Variants in ESF1 observed in about 807,000 individuals in gnomAD.
ESF1 encodes the protein ESF1 nucleolar pre-rRNA processing protein.
ESF1 carries 58 observed loss-of-function variants against 92.0 expected under a neutral mutation model. The observed-to-expected ratio is 0.63, with a 90% CI of 0.51 to 0.78. The LOEUF (loss-of-function observed/expected upper bound fraction) is 0.78. ESF1 is among the 30% of genes least tolerant of loss of function. The probability of loss-of-function intolerance (pLI) is 0.00; values close to 1 mark genes in which losing one functional copy is unlikely to be tolerated. For synonymous variants in ESF1, 321 were observed against 313.7 expected, an observed-to-expected ratio of 1.02 and a Z score of -0.24; for missense variants, 922 against 989.1, an observed-to-expected ratio of 0.93 and a Z score of 0.91.
intron 8 of ESF1, among the ~76,000 whole-genome samples, chr20:13,760,356 C>CTCTGCCCGGCCGCCCATCG (rs1979112623): frequency 6.6e-6 from 1 of 151,632 alleles, no homozygotes; most frequent in Non-Finnish European, 1.5e-5. Flanking sequence ...TGAGGAGCAT[C>CTCTGCCCGGCCGCCCATCG]TCTGCCCGGC....
intron 9 of ESF1, among the ~76,000 whole-genome samples, chr20:13,736,094 G>A (rs2049973741): frequency 6.6e-6 from 1 of 152,116 alleles, no homozygotes; most frequent in Admixed American, 6.6e-5. Flanking sequence ...GTCCATTCCT[G>A]TAACTTTGAA....
At position 13,783,052 on chromosome 20, in the gene ESF1, C is replaced by T. The variant is rs144162119; in HGVS notation, c.89G>A (p.Arg30Gln). Residue 30 changes from arginine (R) to glutamine (Q), a missense_variant, in exon 2 of 14, where the codon CGA (arginine) becomes CAA (glutamine). By Grantham distance (43) the Arg-to-Gln change is conservative (BLOSUM62 1). Coordinates refer to ENST00000617257, the MANE Select transcript of ESF1 (RefSeq NM_001276380.2). Reference protein sequence around the residue: ...PRFWEMPEKDRKVKIDKRFRA... With the variant: ...PRFWEMPEKDQKVKIDKRFRA... ...AAATCTCTTGTCAATTTTGACTTTT[C>T]GATCCTTTTCTGGCATTTCCCAAAA... 7.6e-5 allele frequency: 123 copies of T among 1,613,920 alleles called. No homozygotes were observed. The highest frequency in any genetic ancestry group is 2.8e-4 in the African/African-American group (21 of 75,014).
chr20:13,742,165 G>A (rs986708328), intron 9 of ESF1, among the ~76,000 whole-genome samples: 12 of 152,086 alleles, frequency 7.9e-5, no homozygotes, highest in Non-Finnish European at 1.0e-4. Flanking sequence ...TCAGGAGTTC[G>A]AGACCAGCGT....
intron 11 of ESF1, 96 bp from the exon 12 acceptor site, chr20:13,719,080 T>A: frequency 1.3e-6 from 1 of 754,646 alleles, no homozygotes; most frequent in Non-Finnish European, 2.0e-6. Flanking sequence ...TATCTAGGAA[T>A]AATCTTAACA....
chr20:13,730,577 G>T (rs191520400), intron 10 of ESF1, among the ~76,000 whole-genome samples: 2,786 of 151,338 alleles, frequency 0.018, 94 homozygotes, highest in African/African-American at 0.063. Flanking sequence ...GTAGAGACGG[G>T]GTTTCACTGT....
intron 7 of ESF1, among the ~76,000 whole-genome samples, chr20:13,767,431 G>A (rs1268114676): frequency 6.6e-6 from 1 of 151,448 alleles, no homozygotes; most frequent in African/African-American, 2.4e-5. Flanking sequence ...TGAGGCAGCA[G>A]AATCAGGAGG....
chr20:13,772,962 A>C (rs1979760505), intron 4 of ESF1, among the ~76,000 whole-genome samples: 1 of 152,226 alleles, frequency 6.6e-6, no homozygotes, highest in African/African-American at 2.4e-5. Context: ...CACATGAAAA[A>C]TGACTGAATT....
At chr20:13,759,591 G>A (rs1007252123) in intron 9 of ESF1, 101 bp downstream of exon 9, 5 of 1,461,022 alleles carry the variant, frequency 3.4e-6, no homozygotes, top group Non-Finnish European at 4.5e-6. Context: ...CAAATATGAT[G>A]TTAAGGTCCT....
intron 11 of ESF1, 45 bp from the exon 12 acceptor site, chr20:13,719,029 A>T (rs1216221775): frequency 7.2e-7 from 1 of 1,382,148 alleles, no homozygotes; most frequent in Non-Finnish European, 1.0e-6. Flanking sequence ...TTACAGGACT[A>T]TCAGCAACAT....
At chr20:13,743,415 A>G (rs550930544) in intron 9 of ESF1, among the ~76,000 whole-genome samples, 1 of 152,356 alleles carries the variant, frequency 6.6e-6, no homozygotes, top group Non-Finnish European at 1.5e-5. Flanking sequence ...TATCTTGAAG[A>G]GACATCTGAA....
chr20:13,783,943 C>T (rs1408515026), intron 1 of ESF1, among the ~76,000 whole-genome samples: 1 of 152,222 alleles, frequency 6.6e-6, no homozygotes, highest in Non-Finnish European at 1.5e-5. Context: ...TTCTGTAAGA[C>T]TAGCATTCTA....
intron 5 of ESF1, among the ~76,000 whole-genome samples, chr20:13,772,021 T>G (rs566197677): frequency 6.6e-6 from 1 of 151,596 alleles, no homozygotes; most frequent in South Asian, 2.1e-4. Flanking sequence ...CCCTCATTTT[T>G]ATTAAGTGCA....
At chr20:13,750,747 G>A (rs1978595958) in intron 9 of ESF1, among the ~76,000 whole-genome samples, 1 of 152,220 alleles carries the variant, frequency 6.6e-6, no homozygotes, top group Non-Finnish European at 1.5e-5. Flanking sequence ...GGGAGGCCAA[G>A]GAGGGAGGAC....
At chr20:13,724,018 G>C (rs1042972249) in intron 11 of ESF1, among the ~76,000 whole-genome samples, 1 of 152,210 alleles carries the variant, frequency 6.6e-6, no homozygotes, top group Non-Finnish European at 1.5e-5. Flanking sequence ...AACTGGCTGG[G>C]TGTGGTGGCT....
At chr20:13,781,478 A>G (rs1361184711) in intron 2 of ESF1, among the ~76,000 whole-genome samples, 2 of 152,204 alleles carry the variant, frequency 1.3e-5, no homozygotes, top group Non-Finnish European at 2.9e-5. Flanking sequence ...TGCTTTAGAC[A>G]GGGGCCACTG....
intron 9 of ESF1, among the ~76,000 whole-genome samples, chr20:13,736,353 A>C (rs1319424382): frequency 2.6e-5 from 4 of 152,108 alleles, no homozygotes; most frequent in Non-Finnish European, 5.9e-5. Context: ...TGTTCTAGAC[A>C]ATCATTAAAA....
At chr20:13,757,505 C>G (rs1978949484) in intron 9 of ESF1, among the ~76,000 whole-genome samples, 1 of 152,170 alleles carries the variant, frequency 6.6e-6, no homozygotes. Context: ...CTCAGGTGAT[C>G]CTACCACCTC....
chr20:13,766,326 T>C (rs979651000), intron 8 of ESF1, among the ~76,000 whole-genome samples: 7 of 152,138 alleles, frequency 4.6e-5, no homozygotes, highest in Admixed American at 1.3e-4. Flanking sequence ...ATACTTACCA[T>C]AGTAAAACTG....
intron 11 of ESF1, among the ~76,000 whole-genome samples, chr20:13,723,086 G>C (rs2049878897): frequency 6.6e-6 from 1 of 152,124 alleles, no homozygotes; most frequent in African/African-American, 2.4e-5. Flanking sequence ...CATCTGTAAA[G>C]GAAATTTCAT....
Sources: allele counts gnomAD v4.1 joint callset (sites outside exome capture counted in the v4.1 genomes callset), GRCh38; gene constraint gnomAD v4.1.1; transcripts MANE v1.5; gene names NCBI Gene and HGNC (gene_info 2026-07-23, HGNC 2026-07-21).